Variants in NPC1 observed in about 807,000 individuals in gnomAD.
The protein encoded by NPC1 is Niemann-Pick C1 protein.
NPC1 carries 85 observed loss-of-function variants against 140.4 expected under a neutral mutation model. The ratio of observed to expected loss-of-function variants is 0.61; its 90% CI spans 0.51 to 0.72. NPC1 has a LOEUF of 0.72. Ranked by LOEUF, NPC1 falls within the 30% of genes least tolerant of loss-of-function variation. NPC1 has a pLI of 0.00. For synonymous variants in NPC1, 656 were observed against 624.8 expected (o/e 1.05, Z -0.74); for missense variants, 1,504 against 1,623.8 (o/e 0.93, Z 1.27).
At chr18:23,512,995 C>T (rs2057903393) in intron 3 of NPC1, among the ~76,000 whole-genome samples, 1 of 151,974 alleles carries the variant, frequency 6.6e-6, no homozygotes, top group African/African-American at 2.4e-5. Context: ...GCTCTGTTGC[C>T]CAGGCTGGAG....
In NPC1 at chr18:23,544,948, C is replaced by CCCCCG. The variant is rs1555634670; in HGVS notation, c.1947+7_1947+11dup. On this transcript the variant is annotated intron_variant, in intron 12 of 24. Transcript: ENST00000269228. ...TAACCTCTAGAACATACACCACCCC[C>CCCCCG]CCCCGGCTTACCAGAAGCCTGCGAC... 8.4e-5 allele frequency: 116 copies of CCCCCG among 1,379,466 alleles called. 3 individuals carry two copies. Among genetic ancestry groups the CCCCCG allele is most frequent in the Admixed American group, 1.2e-4 (7 of 56,810 alleles). The allele number at this position is 1,379,466 out of a possible 1,614,324, so 85.5% of individuals were successfully genotyped here. A position where few individuals can be genotyped will look rare whatever the true frequency, so the allele number is the denominator to read the frequency against.
In NPC1 at chr18:23,535,510, C is replaced by T. The variant is rs780006718; in HGVS notation, c.3436G>A (p.Gly1146Ser). The change falls in exon 22 of 25, where the codon GGC becomes AGC. Residue 1146 changes from glycine (G) to serine (S), a missense_variant. Transcript: ENST00000269228. ...AAGGATACAGCGTTCAGACTGATGC[C>T]CCAGAGCCACATAACTCCAAACATG... is the stretch of plus-strand genomic sequence containing the variant. ...VNMFGVMWLW[G>S]ISLNAVSLVN... The T allele has an allele frequency of 3.1e-6, 5 of 1,613,710 alleles. No homozygotes were observed. In the African/African-American group the frequency reaches 5.3e-5, roughly 17 times the overall value.
intron 6 of NPC1, among the ~76,000 whole-genome samples, chr18:23,559,722 G>A (rs989583797): frequency 1.2e-4 from 18 of 152,058 alleles, no homozygotes; most frequent in Admixed American, 9.2e-4. Flanking sequence ...GGCCAAGGCG[G>A]GCAGATCACC....
chr18:23,528,351 A>G (rs2058369661), downstream of NPC1: 1 of 156,852 alleles, frequency 6.4e-6, no homozygotes, highest in South Asian at 1.9e-4. Context: ...GTTAGCACTT[A>G]GCAGGCGTGT....
At chr18:23,534,398 T>G (rs2058592869) in intron 23 of NPC1, 48 bp downstream of exon 23, 1 of 1,231,926 alleles carries the variant, frequency 8.1e-7, no homozygotes, top group Non-Finnish European at 1.2e-6. Context: ...TGAGGAGGAT[T>G]ACTTTGTGGT....
At chr18:23,538,832 A>G in intron 19 of NPC1, 161 bp from the exon 20 acceptor site, 1 of 735,906 alleles carries the variant, frequency 1.4e-6, no homozygotes, top group African/African-American at 1.8e-5. Context: ...AGCTTCAGCC[A>G]CATGTCACTT....
chr18:23,537,362 C>A (rs2058647607), intron 20 of NPC1, among the ~76,000 whole-genome samples: 1 of 152,202 alleles, frequency 6.6e-6, no homozygotes, highest in Admixed American at 6.5e-5. Context: ...CAGGTGTGAG[C>A]CACTTCGCCT....
chr18:23,553,712 T>C (rs1253874131), intron 9 of NPC1, among the ~76,000 whole-genome samples: 1 of 152,302 alleles, frequency 6.6e-6, no homozygotes, highest in Non-Finnish European at 1.5e-5. Context: ...TCCGGCATCA[T>C]GCTACTCTTC....
intron 23 of NPC1, chr18:23,534,159 G>A (rs926566863): frequency 5.0e-5 from 27 of 536,190 alleles, no homozygotes; most frequent in East Asian, 3.4e-4. Flanking sequence ...GTTCTGGCCC[G>A]GGCTCCCCTG....
intron 3 of NPC1, among the ~76,000 whole-genome samples, chr18:23,511,586 T>C (rs538236769): frequency 1.9e-4 from 29 of 152,318 alleles, no homozygotes; most frequent in African/African-American, 6.3e-4. Context: ...TTCCTCTATT[T>C]TTAAAAATAA....
At chr18:23,525,127 G>A (rs796424717), downstream of NPC1, among the ~76,000 whole-genome samples, 8 of 150,388 alleles carry the variant, frequency 5.3e-5, no homozygotes, top group South Asian at 1.5e-3. Flanking sequence ...TGTATTTTTA[G>A]TAGAGACGAG....
intron 1 of NPC1, among the ~76,000 whole-genome samples, chr18:23,580,155 A>T (rs2059340504): frequency 6.6e-6 from 1 of 152,132 alleles, no homozygotes; most frequent in Admixed American, 6.5e-5. Flanking sequence ...TTTCTCAGAT[A>T]CTCTATGCAG....
rs575716205 is a variant in NPC1 at position 23,510,445 on chromosome 18, C to T, written c.432-3803G>A. ...GGCAGATCACCTGAGGTCAGGAGTT[C>T]GAGACCAGCATGGCCAACATGACGA... On this transcript the variant is annotated intron_variant, in intron 3 of 3. Transcript: ENST00000591107. 6.6e-5 allele frequency among the ~76,000 whole-genome samples: 10 copies of T among 151,902 alleles called. No homozygotes were observed. The East Asian group carries it at 1.6e-3, about 24-fold the overall frequency.
chr18:23,512,985 GCT>G (rs2057903010), intron 3 of NPC1, among the ~76,000 whole-genome samples: 2 of 151,370 alleles, frequency 1.3e-5, no homozygotes. Context: ...ATGGAGTCTT[GCT>G]CTGTTGCCCA....
rs370718676 is a variant in NPC1, at chr18:23,572,088, T to C, written c.273A>G (p.Leu91=). 29 of 1,613,426 alleles carry C rather than the reference T, an allele frequency of 1.8e-5. No homozygotes were observed. Among genetic ancestry groups the C allele is most frequent in the African/African-American group, 1.6e-4 (12 of 74,908 alleles). ...GCAGAACCTACCTGGACAGAAACTG[T>C]AGAGGCAGCTGCAGGTTGTCTTTTA... ...QTLKDNLQLP[L]QFLSRCPSCF... Residue 91 remains leucine, a synonymous_variant, in exon 3 of 25, where the codon CTA becomes CTG. Coordinates refer to ENST00000269228, the MANE Select transcript of NPC1 (RefSeq NM_000271.5).
intron 3 of NPC1, among the ~76,000 whole-genome samples, chr18:23,513,794 T>G (rs1339368629): frequency 6.6e-6 from 1 of 152,190 alleles, no homozygotes; most frequent in Non-Finnish European, 1.5e-5. Context: ...TGAGCACTTT[T>G]GTGTGTGTGT....
intron 23 of NPC1, 108 bp from the exon 24 acceptor site, chr18:23,533,625 G>C: frequency 9.0e-7 from 1 of 1,110,282 alleles, no homozygotes; most frequent in African/African-American, 1.5e-5. Flanking sequence ...TCCTGCCCCA[G>C]CCTCCTGAGT....
At chr18:23,574,689 T>C (rs541075853) in intron 1 of NPC1, among the ~76,000 whole-genome samples, 3 of 152,330 alleles carry the variant, frequency 2.0e-5, no homozygotes, top group East Asian at 3.9e-4. Flanking sequence ...ATTTTTCAGA[T>C]GTTCTAAAAT....
chr18:23,540,456 T>C lies in NPC1; in HGVS notation c.2596A>G (p.Met866Val), dbSNP rs771088243. The change falls in exon 17 of 25, where the codon ATG becomes GTG. Residue 866 changes from methionine to valine, a missense_variant. Transcript: ENST00000269228. Reference sequence around the variant, plus strand: ...AAAGGAAGTCATCTTACATCTGGCATCGAAAGAGACTGATCCAATCCAATA... The same window carrying C: ...AAAGGAAGTCATCTTACATCTGGCACCGAAAGAGACTGATCCAATCCAATA... ...VDIGLDQSLS[M>V]PDDSYMVDYF... The C allele has an allele frequency of 1.6e-5, 25 of 1,586,582 alleles. No homozygotes were observed. The South Asian group carries it at 2.4e-4, about 15-fold the overall frequency.
Sources: allele counts gnomAD v4.1 joint callset (sites outside exome capture counted in the v4.1 genomes callset), GRCh38; gene constraint gnomAD v4.1.1; transcripts MANE v1.5; gene names NCBI Gene and HGNC (gene_info 2026-07-23, HGNC 2026-07-21).